Variants in KLHL42 observed in about 807,000 individuals in gnomAD.
The protein encoded by KLHL42 is kelch-like protein 42.
Under a neutral mutation model 32.7 loss-of-function variants are expected in KLHL42, and 27 were observed. The ratio of observed to expected loss-of-function variants is 0.83; its 90% CI spans 0.61 to 1.14. The LOEUF is 1.14. Ranked by LOEUF, KLHL42 falls within the 50% of genes most tolerant of loss-of-function variation. KLHL42 has a pLI of 0.00. For synonymous variants in KLHL42, 267 were observed against 248.2 expected, an observed-to-expected ratio of 1.08 and a Z score of -0.71; for missense variants, 491 against 560.8, an observed-to-expected ratio of 0.88 and a Z score of 1.26.
Position 27,801,054 on chromosome 12 carries a change from G to T in KLHL42, c.*2888G>T, listed in dbSNP as rs1468530035. The T allele has an allele frequency of 1.3e-5, 2 of 152,510 alleles. No homozygotes were observed. Among genetic ancestry groups the T allele is most frequent in the Non-Finnish European group, 2.9e-5 (2 of 68,036 alleles). 9.4% of individuals were successfully genotyped at this position (152,510 alleles called of 1,614,324 possible). A position where few individuals can be genotyped will look rare whatever the true frequency, so the allele number is the denominator to read the frequency against. On this transcript the variant is annotated 3_prime_UTR_variant, in exon 3 of 3. Transcript: ENST00000381271. ...CTCTCCCCTTAGCATCCTTTAAAAGGTTTTCTGATGAATGTGTGAAAGAGT... is the reference window on the plus strand; with the variant it reads ...CTCTCCCCTTAGCATCCTTTAAAAGTTTTTCTGATGAATGTGTGAAAGAGT...
At chr12:27,796,809 A>AT (rs917304312) in intron 2 of KLHL42, among the ~76,000 whole-genome samples, 10 of 151,416 alleles carry the variant, frequency 6.6e-5, no homozygotes, top group African/African-American at 9.7e-5. Context: ...CTAATTTTTT[A>AT]TTTTTTTTAG....
rs776812311 is a variant in KLHL42 at position 27,797,879 on chromosome 12, C to A, written c.1231C>A (p.Gln411Lys). The A allele has an allele frequency of 1.3e-6, 1 of 780,780 alleles. No individual in the cohort carries two copies. Among genetic ancestry groups the A allele is most frequent in the Non-Finnish European group, 2.4e-6 (1 of 417,990 alleles). 48.4% of individuals were successfully genotyped at this position (780,780 alleles called of 1,614,324 possible). Residue 411 changes from glutamine to lysine, a missense_variant, in exon 3 of 3, where the codon CAG becomes AAG. Gln to Lys is a moderately conservative substitution (Grantham distance 53). Coordinates refer to ENST00000381271, the MANE Select transcript of KLHL42 (RefSeq NM_020782.2). ...GCTGGGGCCCAACCGCAGGAGCAGCCAGAGCGAGGACATGCTCACCGTGCA... is the reference window on the plus strand; with the variant it reads ...GCTGGGGCCCAACCGCAGGAGCAGCAAGAGCGAGGACATGCTCACCGTGCA... ...HELGPNRRSSQSEDMLTVQSY... is the reference protein window; with the variant it reads ...HELGPNRRSSKSEDMLTVQSY...
chr12:27,788,890 G>A (rs2062184786), intron 1 of KLHL42, among the ~76,000 whole-genome samples: 1 of 152,166 alleles, frequency 6.6e-6, no homozygotes, highest in South Asian at 2.1e-4. Flanking sequence ...CGTGAACATA[G>A]TGTGTTAAAT....
chr12:27,790,518 C>A (rs1430812010), intron 1 of KLHL42, among the ~76,000 whole-genome samples: 1 of 152,162 alleles, frequency 6.6e-6, no homozygotes, highest in Non-Finnish European at 1.5e-5. Context: ...ATCCTTCCTG[C>A]CTTTTGTGTG....
At position 27,786,326 on chromosome 12, in the gene KLHL42, G is replaced by A. The variant is rs183962820; in HGVS notation, c.872+5124G>A. On this transcript the variant is annotated intron_variant, in intron 1 of 2. Coordinates refer to ENST00000381271, the MANE Select transcript of KLHL42 (RefSeq NM_020782.2). Reference sequence around the variant, plus strand: ...TTCATCATGTGTGCCTCAGCTCCACGACAGCCTTTAAGCCCAGCATTCTTC... The same window carrying A: ...TTCATCATGTGTGCCTCAGCTCCACAACAGCCTTTAAGCCCAGCATTCTTC... 8.7e-4 allele frequency among the ~76,000 whole-genome samples: 132 copies of A among 152,258 alleles called. 2 individuals are homozygous for A. Among genetic ancestry groups the A allele is most frequent in the Non-Finnish European group, 2.5e-4 (17 of 68,032 alleles).
At chr12:27,786,020 T>G (rs1401504071) in intron 1 of KLHL42, among the ~76,000 whole-genome samples, 1 of 152,226 alleles carries the variant, frequency 6.6e-6, no homozygotes, top group Non-Finnish European at 1.5e-5. Context: ...GCATGAATTA[T>G]CTAACTTATT....
At chr12:27,782,298 T>C (rs2062152872) in intron 1 of KLHL42, among the ~76,000 whole-genome samples, 1 of 152,206 alleles carries the variant, frequency 6.6e-6, no homozygotes, top group Non-Finnish European at 1.5e-5. Context: ...ATTTCTCCTA[T>C]AATATGAAAT....
At chr12:27,788,040 C>T (rs1454324089) in intron 1 of KLHL42, 1 of 152,140 alleles carries the variant, frequency 6.6e-6, no homozygotes, top group African/African-American at 2.4e-5. Flanking sequence ...CCTTCCTAGT[C>T]CCTAGGGGAA....
At chr12:27,784,135 T>TG (rs371298410) in intron 1 of KLHL42, among the ~76,000 whole-genome samples, 7,606 of 146,508 alleles carry the variant, frequency 0.052, 251 homozygotes, top group Non-Finnish European at 0.078. Flanking sequence ...TTTTTTTTGT[T>TG]TTTGTTTTTT....
At position 27,792,684 on chromosome 12, in the gene KLHL42, C is replaced by T. The variant is rs938078258; in HGVS notation, c.1066+783C>T. On this transcript the variant is annotated intron_variant, in intron 2 of 2. Coordinates refer to ENST00000381271, the MANE Select transcript of KLHL42 (RefSeq NM_020782.2). The stretch of plus-strand genomic sequence containing the variant: ...GATTACAGGCTGCACCACCATGCCC[C>T]GCTAATTTTTGTATTTTTAGTAGAG... Among the ~76,000 whole-genome samples the T allele has an allele frequency of 5.3e-5, 8 of 151,840 alleles. No homozygotes were observed. In the East Asian group the frequency reaches 5.8e-4, roughly 11 times the overall value.
Position 27,800,440 on chromosome 12 carries a change from AGCAGTACGTGG to A in KLHL42, c.*2276_*2286del. 1.1e-6 allele frequency: 1 copy of A among 918,596 alleles called. No homozygotes were observed. The highest frequency in any genetic ancestry group is 1.3e-6 in the Non-Finnish European group (1 of 769,194). 56.9% of individuals were successfully genotyped at this position (918,596 alleles called of 1,614,324 possible). A position where few individuals can be genotyped will look rare whatever the true frequency, so the allele number is the denominator to read the frequency against. Reference sequence around the variant, plus strand: ...AAGATTTTGGTTATTCTGGGCTGCCAGCAGTACGTGGGAAAGGTGGAATGTGCAATAGGAAC... The same window carrying A: ...AAGATTTTGGTTATTCTGGGCTGCCAGAAAGGTGGAATGTGCAATAGGAAC... On this transcript the variant is annotated 3_prime_UTR_variant, in exon 3 of 3. Transcript: ENST00000381271.
chr12:27,782,254 G>A (rs183594498), intron 1 of KLHL42, among the ~76,000 whole-genome samples: 1 of 152,088 alleles, frequency 6.6e-6, no homozygotes, highest in African/African-American at 2.4e-5. Context: ...GGTCCTCCTC[G>A]GCCAGGGATT....
rs1203797253 is a variant in KLHL42 at position 27,780,923 on chromosome 12, C to T, written c.593C>T (p.Ala198Val). 1.9e-6 allele frequency: 3 copies of T among 1,605,490 alleles called. No homozygotes were observed. Among genetic ancestry groups the T allele is most frequent in the African/African-American group, 1.3e-5 (1 of 74,752 alleles). The change falls in exon 1 of 3, where the codon GCC (alanine) becomes GTC (valine). Residue 198 changes from alanine (A) to valine (V), a missense_variant. Physicochemically the swap from Ala to Val is moderately conservative, Grantham distance 64 (BLOSUM62 0). Around this residue, in one of 4 missense-constraint regions of KLHL42, gnomAD observed 248 missense variants for 329.2 expected, o/e 0.75. Coordinates refer to ENST00000381271, the MANE Select transcript of KLHL42 (RefSeq NM_020782.2). The surrounding 1 kb of genome is among the most constrained non-coding windows in gnomAD (Gnocchi z 8.8). ...ARMTGTPVLVALGDFLGGPLA... is the reference protein window; with the variant it reads ...ARMTGTPVLVVLGDFLGGPLA... The stretch of plus-strand genomic sequence containing the variant: ...ATGACTGGGACTCCTGTCCTCGTGG[C>T]CCTCGGGGACTTCCTGGGGGGACCC...
intron 1 of KLHL42, among the ~76,000 whole-genome samples, chr12:27,787,211 A>AC (rs1185164896): frequency 5.3e-5 from 8 of 151,790 alleles, no homozygotes; most frequent in African/African-American, 1.9e-4. Flanking sequence ...AGCTTGTGAG[A>AC]CCTCTAGGCA....
rs2062245627 is a variant in KLHL42 at position 27,801,143 on chromosome 12, G to T, written c.*2977G>T. On this transcript the variant is annotated 3_prime_UTR_variant, in exon 3 of 3. Transcript: ENST00000381271. ...AGTGCTGAGAAGGTTATGGGTACCA[G>T]GAAGAAACAAACAGAAGTCTTAAGA... 1 of 152,532 alleles carries T rather than the reference G, an allele frequency of 6.6e-6. No homozygotes were observed. Among genetic ancestry groups the T allele is most frequent in the African/African-American group, 2.4e-5 (1 of 41,420 alleles). 9.4% of individuals were successfully genotyped at this position (152,532 alleles called of 1,614,324 possible). A position where few individuals can be genotyped will look rare whatever the true frequency, so the allele number is the denominator to read the frequency against.
chr12:27,788,271 A>G (rs1278219285), intron 1 of KLHL42: 2 of 152,090 alleles, frequency 1.3e-5, no homozygotes, highest in Admixed American at 6.6e-5. Flanking sequence ...TTGAGCTCTT[A>G]CTCTGGGTCA....
Position 27,797,983 on chromosome 12 carries a change from G to A in KLHL42, c.1335G>A (p.Ala445=). 1.3e-6 allele frequency: 1 copy of A among 780,910 alleles called. No homozygotes were observed. Among genetic ancestry groups the A allele is most frequent in the Admixed American group, 1.7e-5 (1 of 59,026 alleles). 48.4% of individuals were successfully genotyped at this position (780,910 alleles called of 1,614,324 possible). A position where few individuals can be genotyped will look rare whatever the true frequency, so the allele number is the denominator to read the frequency against. ...TSKSGLNLTC[A]LHNDGIYIMS... ...AATCGGGTCTTAACTTGACTTGTGC[G>A]CTCCATAACGACGGCATCTACATCA... Residue 445 remains alanine, a synonymous_variant, in exon 3 of 3, where the codon GCG becomes GCA. Transcript: ENST00000381271.
intron 2 of KLHL42, among the ~76,000 whole-genome samples, chr12:27,792,513 T>C (rs1591816066): frequency 1.3e-5 from 2 of 152,220 alleles, no homozygotes; most frequent in South Asian, 2.1e-4. Flanking sequence ...TACTATCTAT[T>C]TATTTGTTTA....
intron 1 of KLHL42, among the ~76,000 whole-genome samples, chr12:27,784,135 T>TGG (rs371298410): frequency 3.3e-4 from 49 of 146,512 alleles, no homozygotes; most frequent in Non-Finnish European, 6.6e-4. Context: ...TTTTTTTTGT[T>TGG]TTTGTTTTTT....
Sources: gnomAD v4.1 joint callset for allele counts (sites outside exome capture counted in the v4.1 genomes callset) on GRCh38, gnomAD v4.1.1 for gene constraint, gnomAD v4.1.1 regional missense constraint, Gnocchi (gnomAD v3.1) non-coding constraint, MANE v1.5 for transcripts, NCBI Gene and HGNC (gene_info 2026-07-23, HGNC 2026-07-21) for gene names.